IL13RA1: variants seen among roughly 807,000 people sequenced by gnomAD.
IL13RA1 encodes the protein interleukin 13 receptor subunit alpha 1, also known as interleukin-13 receptor subunit alpha-1.
A neutral mutation model predicts 33.8 loss-of-function variants in IL13RA1; 14 were observed. The observed-to-expected ratio is 0.41, with a 90% CI of 0.27 to 0.65. The LOEUF (loss-of-function observed/expected upper bound fraction) is 0.65, where lower values mean the gene tolerates loss of function less well. IL13RA1 is among the 30% of genes least tolerant of loss of function. The pLI is 0.28. For missense variants in IL13RA1, 313 were observed against 327.0 expected (o/e 0.96, Z 0.33); for synonymous variants, 116 against 115.7 (o/e 1.00, Z -0.02).
chrX:118,746,667 G>C (rs1167734689), intron 2 of IL13RA1, among the ~76,000 whole-genome samples: 1 of 110,312 alleles, frequency 9.1e-6, no homozygotes, highest in Non-Finnish European at 1.9e-5. Flanking sequence ...TGTAGGAGGA[G>C]GGGGGCTGTT....
the IL13RA1 span, among the ~76,000 whole-genome samples, chrX:118,804,484 C>T: frequency 3.0e-3 from 335 of 110,106 alleles, 2 homozygotes; most frequent in African/African-American, 0.011. Flanking sequence ...AATGGTAGTA[C>T]AGAGCATATC....
At chrX:118,770,351 C>T (rs1004692135) in intron 8 of IL13RA1, 3 of 363,759 alleles carry the variant, frequency 8.2e-6, no homozygotes, top group East Asian at 7.9e-5. Flanking sequence ...GCCGCGCTAC[C>T]GCACTGCACC....
chrX:118,757,431 T>C (rs1183610231), intron 4 of IL13RA1, among the ~76,000 whole-genome samples: 1 of 101,598 alleles, frequency 9.8e-6, no homozygotes, highest in African/African-American at 3.7e-5. Context: ...TCAGGAGGCA[T>C]GAGATTCACT....
At position 118,749,701 on chromosome X, in the gene IL13RA1, C is replaced by G; in HGVS notation, c.411C>G (p.His137Gln). 8.4e-7 allele frequency: 1 copy of G among 1,193,555 alleles called. No individual in the cohort carries two copies. The highest frequency in any genetic ancestry group is 1.1e-6 in the Non-Finnish European group (1 of 878,942). The change falls in exon 4 of 11, where the codon CAC becomes CAG. Residue 137 changes from histidine (H) to glutamine (Q), a missense_variant. Transcript: ENST00000371666. ...TGACTGAGCTTCAATGCATTTGGCA[C>G]AACCTGAGCTACATGAAGTGTTCTT... ...SAVTELQCIW[H>Q]NLSYMKCSWL... is the part of the protein sequence containing the mutation.
intron 10 of IL13RA1, among the ~76,000 whole-genome samples, chrX:118,780,155 CG>C (rs1171904747): frequency 9.0e-6 from 1 of 111,277 alleles, no homozygotes; most frequent in Non-Finnish European, 1.9e-5. Flanking sequence ...ATTTTTATGT[CG>C]GCTTTTAACC....
At chrX:118,766,359 A>T (rs187264069) in intron 6 of IL13RA1, among the ~76,000 whole-genome samples, 171 bp from the exon 7 acceptor site, 66 of 110,442 alleles carry the variant, frequency 6.0e-4, no homozygotes, top group African/African-American at 1.9e-3. Context: ...TTTCATATGC[A>T]TATGTAATTG....
chrX:118,784,166 CGT>C (rs1491242471), intron 10 of IL13RA1, among the ~76,000 whole-genome samples: 3 of 80,675 alleles, frequency 3.7e-5, no homozygotes, highest in African/African-American at 9.2e-5. Context: ...CACATATATA[CGT>C]ATATATATTC....
At chrX:118,763,300 G>T (rs746416327) in intron 6 of IL13RA1, among the ~76,000 whole-genome samples, 1 of 112,718 alleles carries the variant, frequency 8.9e-6, no homozygotes, top group Admixed American at 9.4e-5. Flanking sequence ...TGATTACTAT[G>T]TGCTAGGTAT....
the IL13RA1 span, among the ~76,000 whole-genome samples, chrX:118,800,672 A>G: frequency 9.0e-6 from 1 of 111,608 alleles, no homozygotes; most frequent in Non-Finnish European, 1.9e-5. Flanking sequence ...TGGCATGATC[A>G]CGGCTCACTG....
chrX:118,752,353 A>G (rs765566333), intron 4 of IL13RA1, among the ~76,000 whole-genome samples: 1 of 111,667 alleles, frequency 9.0e-6, no homozygotes, highest in East Asian at 2.8e-4. Context: ...GCTTTCTTCA[A>G]ATACTCAAAC....
chrX:118,792,799 A>G lies in IL13RA1; in HGVS notation c.*945A>G, dbSNP rs2017991822. 8.9e-6 allele frequency: 1 copy of G among 112,304 alleles called. No homozygotes were observed. The highest frequency in any genetic ancestry group is 9.4e-5 in the Admixed American group (1 of 10,610). The allele number at this position is 112,304 out of a possible 1,213,427, so 9.3% of individuals were successfully genotyped here. On this transcript the variant is annotated 3_prime_UTR_variant, in exon 11 of 11. Transcript: ENST00000371666. ...AAAAACCAGAGGCAGCTTCTTTGCC[A>G]AGACCTTTCAAAGCCATTTTAGGCT... is the stretch of plus-strand genomic sequence containing the variant.
At chrX:118,728,795 C>T (rs1205138378) in intron 1 of IL13RA1, among the ~76,000 whole-genome samples, 1 of 111,314 alleles carries the variant, frequency 9.0e-6, no homozygotes, top group Non-Finnish European at 1.9e-5. Flanking sequence ...AGATGAGGTG[C>T]CTGCCCTCAG....
At chrX:118,740,605 C>T (rs1464439913) in intron 1 of IL13RA1, among the ~76,000 whole-genome samples, 2 of 111,568 alleles carry the variant, frequency 1.8e-5, no homozygotes, top group Non-Finnish European at 3.8e-5. Flanking sequence ...CCAGCCTGGC[C>T]AGTGTGGCAA....
At position 118,760,895 on chromosome X, in the gene IL13RA1, A is replaced by C. The variant is rs112105783; in HGVS notation, c.677-243A>C. ...CTCACATACTTTAAATCATGTCTAC[A>C]TTACTTATAATACCTAATACAATGT... On this transcript the variant is annotated intron_variant, in intron 5 of 10. Coordinates refer to ENST00000371666, the MANE Select transcript of IL13RA1 (RefSeq NM_001560.3). Among the ~76,000 whole-genome samples the C allele has an allele frequency of 5.2e-3, 582 of 112,468 alleles. 3 individuals are homozygous for C. The highest frequency in any genetic ancestry group is 0.018 in the African/African-American group (550 of 30,971).
intron 8 of IL13RA1, among the ~76,000 whole-genome samples, chrX:118,773,069 A>G (rs1569458232): frequency 8.9e-6 from 1 of 112,612 alleles, no homozygotes; most frequent in Non-Finnish European, 1.9e-5. Context: ...AATTTTTATT[A>G]TGAATGTTTG....
At chrX:118,791,070 A>G (rs146200798) in intron 10 of IL13RA1, among the ~76,000 whole-genome samples, 2,397 of 111,717 alleles carry the variant, frequency 0.021, 30 homozygotes, top group Middle Eastern at 0.046. Flanking sequence ...CTGGTTTAGT[A>G]TAACAACTTT....
intron 3 of IL13RA1, among the ~76,000 whole-genome samples, chrX:118,747,870 T>C (rs1208698916): frequency 9.1e-6 from 1 of 109,813 alleles, no homozygotes; most frequent in African/African-American, 3.3e-5. Context: ...GCAAATTTCT[T>C]AGCCCCTCTG....
chrX:118,765,569 G>A (rs980053546), intron 6 of IL13RA1, among the ~76,000 whole-genome samples: 2 of 112,107 alleles, frequency 1.8e-5, no homozygotes, highest in East Asian at 2.8e-4. Context: ...ATTGATGGAC[G>A]TTTGGATAGT....
chrX:118,732,047 T>C (rs1422895935), intron 1 of IL13RA1, among the ~76,000 whole-genome samples: 1 of 112,184 alleles, frequency 8.9e-6, no homozygotes, highest in African/African-American at 3.2e-5. Flanking sequence ...TTTTTTATTA[T>C]AAAATACACA....
Sources: gnomAD v4.1 joint callset for allele counts (sites outside exome capture counted in the v4.1 genomes callset) on GRCh38, gnomAD v4.1.1 for gene constraint, MANE v1.5 for transcripts, NCBI Gene and HGNC (gene_info 2026-07-23, HGNC 2026-07-21) for gene names.